Variants in SLC25A17 observed in about 807,000 individuals in gnomAD.
SLC25A17 encodes the protein solute carrier family 25 member 17.
In SLC25A17, 26 loss-of-function variants were observed where a neutral mutation model predicts 38.5. The ratio of observed to expected loss-of-function variants is 0.68; its 90% CI spans 0.50 to 0.94. The LOEUF (loss-of-function observed/expected upper bound fraction) is 0.94, where lower values mean the gene tolerates loss of function less well. Ranked by LOEUF, SLC25A17 falls within the 40% of genes least tolerant of loss-of-function variation. The probability of loss-of-function intolerance (pLI) is 0.00; values close to 1 mark genes in which losing one functional copy is unlikely to be tolerated. For missense variants in SLC25A17, 333 were observed against 372.7 expected (o/e 0.89, Z 0.88); for synonymous variants, 139 against 136.2 (o/e 1.02, Z -0.14).
Position 40,777,148 on chromosome 22 carries a change from GGAA to G in SLC25A17, c.598-16_598-14del, listed in dbSNP as rs67807208. On this transcript the variant is annotated splice_polypyrimidine_tract_variant and intron_variant, in intron 6 of 8. Transcript: ENST00000435456. ...CCAAGGAAGAAAGCTGGAAAGCAAAGGAAGAACAAACCATATCAATCAAGTCAA... is the reference window on the plus strand; with the variant it reads ...CCAAGGAAGAAAGCTGGAAAGCAAAGGAACAAACCATATCAATCAAGTCAA... 1,045 of 1,614,056 alleles carry G rather than the reference GGAA, an allele frequency of 6.5e-4. 9 individuals are homozygous for G. In the African/African-American group the frequency reaches 0.012, roughly 19 times the overall value.
At chr22:40,816,343 T>G (rs1164738287) in intron 1 of SLC25A17, among the ~76,000 whole-genome samples, 1 of 152,108 alleles carries the variant, frequency 6.6e-6, no homozygotes, top group Non-Finnish European at 1.5e-5. Context: ...GTCAGAAAAC[T>G]ATGGCCTATG....
At chr22:40,818,645 GCA>G (rs1491324499) in intron 1 of SLC25A17, among the ~76,000 whole-genome samples, 1 of 150,208 alleles carries the variant, frequency 6.7e-6, no homozygotes, top group African/African-American at 2.5e-5. Context: ...GATCGAGGCT[GCA>G]GTGAGTCGTG....
intron 1 of SLC25A17, among the ~76,000 whole-genome samples, chr22:40,807,752 AAAT>A (rs1252537478): frequency 1.3e-5 from 2 of 152,066 alleles, no homozygotes; most frequent in African/African-American, 2.4e-5. Flanking sequence ...CCATCTCAAA[AAAT>A]AATAATAATA....
intron 8 of SLC25A17, 53 bp downstream of exon 8, chr22:40,773,884 C>T: frequency 8.0e-7 from 1 of 1,248,154 alleles, no homozygotes; most frequent in Non-Finnish European, 1.2e-6. Context: ...CCCTCCCTGG[C>T]AGAGATGGCT....
chr22:40,816,609 G>GTTTTTTTTTTTTTTTTTTTT (rs55809010), intron 1 of SLC25A17, among the ~76,000 whole-genome samples: 2 of 137,970 alleles, frequency 1.4e-5, no homozygotes, highest in African/African-American at 2.7e-5. Context: ...ATTTTTTATT[G>GTTTTTTTTTTTTTTTTTTTT]TTTTTTTTTT....
chr22:40,786,515 C>T (rs960980917), intron 4 of SLC25A17, among the ~76,000 whole-genome samples: 6 of 152,154 alleles, frequency 3.9e-5, no homozygotes, highest in African/African-American at 1.4e-4. Flanking sequence ...ATGTAACCTA[C>T]ATACATCCTC....
chr22:40,799,485 T>G (rs1395745882), intron 1 of SLC25A17: 1 of 152,686 alleles, frequency 6.5e-6, no homozygotes, highest in East Asian at 1.9e-4. Flanking sequence ...TGCCTCAGCC[T>G]CCTGAGTAGC....
Position 40,798,970 on chromosome 22 carries a change from C to G in SLC25A17, c.115+53G>C. On this transcript the variant is annotated intron_variant, in intron 2 of 8. Transcript: ENST00000435456. Reference sequence around the variant, plus strand: ...AAAAAAAAAAAAAAGAAATTACTAGCGAAAATGTTTGCTTCCTGACACCAT... The same window carrying G: ...AAAAAAAAAAAAAAGAAATTACTAGGGAAAATGTTTGCTTCCTGACACCAT... The G allele has an allele frequency of 2.4e-6, 3 of 1,254,452 alleles. No individual in the cohort carries two copies. In the South Asian group the frequency reaches 4.0e-5, roughly 17 times the overall value. The allele number at this position is 1,254,452 out of a possible 1,614,324, so 77.7% of individuals were successfully genotyped here. A position where few individuals can be genotyped will look rare whatever the true frequency, so the allele number is the denominator to read the frequency against.
In SLC25A17 at chr22:40,819,282, T is replaced by C; in HGVS notation, c.-34A>G. On this transcript the variant is annotated 5_prime_UTR_variant, in exon 1 of 9. Coordinates refer to ENST00000435456, the MANE Select transcript of SLC25A17 (RefSeq NM_006358.4). ...CTCCTCGAAGACCCAGCCACACTTT[T>C]CCCACAGATGCCGCAGCCAGTGGAG... is the stretch of plus-strand genomic sequence containing the variant. The C allele has an allele frequency of 6.2e-7, 1 of 1,612,352 alleles. No individual in the cohort carries two copies. Among genetic ancestry groups the C allele is most frequent in the African/African-American group, 1.3e-5 (1 of 75,014 alleles).
intron 4 of SLC25A17, chr22:40,788,934 TCTGAG>T (rs2057361411): frequency 3.2e-6 from 1 of 307,990 alleles, no homozygotes. Context: ...TCTTTTCTGG[TCTGAG>T]GTAGCCAACA....
chr22:40,818,147 C>T (rs570282425), intron 1 of SLC25A17, among the ~76,000 whole-genome samples: 1 of 152,262 alleles, frequency 6.6e-6, no homozygotes, highest in South Asian at 2.1e-4. Flanking sequence ...TTTCTGGAGG[C>T]TAAACAGAGG....
chr22:40,799,263 A>T (rs1036799277), intron 1 of SLC25A17, among the ~76,000 whole-genome samples, 180 bp from the exon 2 acceptor site: 1 of 151,950 alleles, frequency 6.6e-6, no homozygotes, highest in Non-Finnish European at 1.5e-5. Flanking sequence ...TGGGGTTACA[A>T]GCACATACCC....
At chr22:40,796,991 A>AG (rs1399498880) in intron 2 of SLC25A17, among the ~76,000 whole-genome samples, 3 of 152,178 alleles carry the variant, frequency 2.0e-5, no homozygotes, top group Admixed American at 6.6e-5. Context: ...AAAAAGGGAG[A>AG]GAAAAAAAAG....
chr22:40,806,423 T>C (rs776561660), intron 1 of SLC25A17, among the ~76,000 whole-genome samples: 3 of 152,112 alleles, frequency 2.0e-5, no homozygotes, highest in Non-Finnish European at 2.9e-5. Context: ...ATAAAATATA[T>C]ATAACAAATA....
At chr22:40,809,514 C>G (rs2145703319) in intron 1 of SLC25A17, among the ~76,000 whole-genome samples, 1 of 151,710 alleles carries the variant, frequency 6.6e-6, no homozygotes, top group South Asian at 2.1e-4. Context: ...CGCCTGTAAT[C>G]CCAGCTACTT....
chr22:40,814,823 G>GT (rs1186072048), intron 1 of SLC25A17, among the ~76,000 whole-genome samples: 2 of 144,716 alleles, frequency 1.4e-5, no homozygotes, highest in African/African-American at 5.1e-5. Context: ...TTTTGTTTTG[G>GT]TTTTTTTTGT....
intron 1 of SLC25A17, among the ~76,000 whole-genome samples, chr22:40,800,688 C>T (rs746117767): frequency 2.0e-4 from 31 of 151,894 alleles, no homozygotes; most frequent in Admixed American, 5.3e-4. Context: ...TGAGCCACTG[C>T]ACCTGGCTTC....
chr22:40,797,721 A>G (rs1256350015), intron 2 of SLC25A17, among the ~76,000 whole-genome samples: 1 of 152,246 alleles, frequency 6.6e-6, no homozygotes, highest in Non-Finnish European at 1.5e-5. Flanking sequence ...AACAATGATG[A>G]CCAGTATTTA....
intron 1 of SLC25A17, among the ~76,000 whole-genome samples, chr22:40,810,671 G>T (rs1387317163): frequency 6.6e-6 from 1 of 151,944 alleles, no homozygotes; most frequent in African/African-American, 2.4e-5. Flanking sequence ...ATTTTTAATC[G>T]ATCAAAGCAA....
Sources: allele counts gnomAD v4.1 joint callset (sites outside exome capture counted in the v4.1 genomes callset), GRCh38; gene constraint gnomAD v4.1.1; transcripts MANE v1.5; gene names NCBI Gene and HGNC (gene_info 2026-07-23, HGNC 2026-07-21).